The following CNTNAP2 variants were observed in gnomAD, a reference collection of about 807,000 sequenced individuals.
CNTNAP2 encodes the protein contactin-associated protein-like 2.
In CNTNAP2, 98 loss-of-function variants were observed where a neutral mutation model predicts 155.2. The ratio of observed to expected loss-of-function variants is 0.63; its 90% CI spans 0.54 to 0.75. CNTNAP2 has a LOEUF of 0.75. CNTNAP2 is among the 30% of genes least tolerant of loss of function. The probability of loss-of-function intolerance (pLI) is 0.00; values close to 1 mark genes in which losing one functional copy is unlikely to be tolerated. For synonymous variants in CNTNAP2, 651 were observed against 631.2 expected (o/e 1.03, Z -0.47); for missense variants, 1,727 against 1,688.1 (o/e 1.02, Z -0.40).
chr7:146,989,638 G>C (rs780195005), intron 3 of CNTNAP2, among the ~76,000 whole-genome samples: 1 of 152,008 alleles, frequency 6.6e-6, no homozygotes, highest in Non-Finnish European at 1.5e-5. Flanking sequence ...ACCAATCTAG[G>C]TTAGGAGCTT....
intron 18 of CNTNAP2, among the ~76,000 whole-genome samples, chr7:148,176,211 C>CTTTTTTTTTTTTTTTTTTTTTTTT (rs1188113801): frequency 3.2e-5 from 3 of 92,792 alleles, no homozygotes; most frequent in African/African-American, 8.6e-5. Flanking sequence ...CTTTCTTTCT[C>CTTTTTTTTTTTTTTTTTTTTTTTT]TTTTTTTTTT....
At chr7:146,478,529 G>A (rs1413725302) in intron 1 of CNTNAP2, among the ~76,000 whole-genome samples, 1 of 151,722 alleles carries the variant, frequency 6.6e-6, no homozygotes, top group African/African-American at 2.4e-5. Context: ...GGAAAGATAG[G>A]TTAATTTGAC....
At chr7:147,901,599 G>A (rs965365268) in intron 13 of CNTNAP2, among the ~76,000 whole-genome samples, 1 of 151,958 alleles carries the variant, frequency 6.6e-6, no homozygotes, top group Non-Finnish European at 1.5e-5. Flanking sequence ...TTTACATTCT[G>A]CTCCATTTGC....
intron 13 of CNTNAP2, among the ~76,000 whole-genome samples, chr7:147,847,987 C>G (rs1370200002): frequency 9.2e-5 from 12 of 130,030 alleles, no homozygotes; most frequent in Non-Finnish European, 1.7e-5. Flanking sequence ...GGGAGAACCA[C>G]TGCTCTCTTC....
intron 12 of CNTNAP2, among the ~76,000 whole-genome samples, chr7:147,610,293 A>G (rs1196482636): frequency 7.9e-6 from 1 of 126,944 alleles, no homozygotes; most frequent in East Asian, 2.2e-4. Flanking sequence ...TGTAGTTTTC[A>G]AGTGGTTTTT....
intron 1 of CNTNAP2, among the ~76,000 whole-genome samples, chr7:146,165,745 A>T (rs1007913932): frequency 3.3e-5 from 5 of 152,230 alleles, no homozygotes; most frequent in African/African-American, 1.2e-4. Context: ...TATGTGAGAT[A>T]GATACAGCAT....
At chr7:147,587,626 A>G (rs557340424) in intron 12 of CNTNAP2, among the ~76,000 whole-genome samples, 2 of 152,282 alleles carry the variant, frequency 1.3e-5, no homozygotes, top group East Asian at 3.9e-4. Flanking sequence ...CATTTATCCA[A>G]AAGCAACAGC....
intron 20 of CNTNAP2, among the ~76,000 whole-genome samples, chr7:148,245,769 G>C (rs1172442935): frequency 6.6e-6 from 1 of 152,084 alleles, no homozygotes; most frequent in African/African-American, 2.4e-5. Context: ...TTGTGTTAGA[G>C]CCTTAATGCA....
intron 1 of CNTNAP2, among the ~76,000 whole-genome samples, chr7:146,367,229 C>A (rs1338994305): frequency 6.6e-6 from 1 of 152,074 alleles, no homozygotes. Context: ...TTATACACAT[C>A]GCCTAATTTA....
chr7:148,118,095 AT>A (rs756290919), intron 15 of CNTNAP2, 22 bp from the exon 16 acceptor site: 1 of 1,613,524 alleles, frequency 6.2e-7, no homozygotes. Context: ...AGTTAACCTG[AT>A]TTTTTTGTTT....
At chr7:147,524,089 C>T (rs998423682) in intron 11 of CNTNAP2, among the ~76,000 whole-genome samples, 4 of 152,214 alleles carry the variant, frequency 2.6e-5, no homozygotes, top group Non-Finnish European at 5.9e-5. Flanking sequence ...TCGGGTCAGA[C>T]TCTCACACAA....
At chr7:148,086,461 A>C (rs1803731001) in intron 15 of CNTNAP2, among the ~76,000 whole-genome samples, 1 of 152,224 alleles carries the variant, frequency 6.6e-6, no homozygotes, top group Non-Finnish European at 1.5e-5. Flanking sequence ...TGAAATAAAA[A>C]TTTTGATGTA....
intron 1 of CNTNAP2, among the ~76,000 whole-genome samples, chr7:146,579,474 C>G (rs1798577158): frequency 6.6e-6 from 1 of 151,980 alleles, no homozygotes; most frequent in Non-Finnish European, 1.5e-5. Context: ...AAATGCCAGC[C>G]CACTGAGAAG....
intron 21 of CNTNAP2, among the ~76,000 whole-genome samples, chr7:148,277,367 G>A (rs1156440578): frequency 6.6e-6 from 1 of 152,108 alleles, no homozygotes; most frequent in Non-Finnish European, 1.5e-5. Flanking sequence ...TACTTGCTGT[G>A]CCCTCAATCT....
chr7:146,617,687 T>G (rs1002169858), intron 1 of CNTNAP2, among the ~76,000 whole-genome samples: 11 of 152,170 alleles, frequency 7.2e-5, no homozygotes, highest in African/African-American at 2.7e-4. Flanking sequence ...ACTGAAACTG[T>G]GGGCTGAATT....
At chr7:146,789,031 T>G (rs1364916550) in intron 2 of CNTNAP2, among the ~76,000 whole-genome samples, 1 of 152,120 alleles carries the variant, frequency 6.6e-6, no homozygotes, top group African/African-American at 2.4e-5. Context: ...AATGTAGAAA[T>G]AAATGCTTGT....
chr7:147,175,099 T>C (rs374492591), intron 8 of CNTNAP2, among the ~76,000 whole-genome samples: 2 of 152,168 alleles, frequency 1.3e-5, no homozygotes, highest in South Asian at 2.1e-4. Flanking sequence ...GGAGGGCATG[T>C]AGGGAAAGGT....
chr7:147,156,611 T>C (rs775993026), intron 8 of CNTNAP2, among the ~76,000 whole-genome samples: 5 of 152,270 alleles, frequency 3.3e-5, no homozygotes, highest in Non-Finnish European at 7.4e-5. Flanking sequence ...CATCTGAGTC[T>C]TAAAAGAATT....
intron 1 of CNTNAP2, among the ~76,000 whole-genome samples, chr7:146,700,646 T>C (rs1384682662): frequency 6.6e-6 from 1 of 152,122 alleles, no homozygotes; most frequent in Non-Finnish European, 1.5e-5. Context: ...ATCAAAAATA[T>C]TTGCATCTTT....
Sources: allele counts gnomAD v4.1 joint callset (sites outside exome capture counted in the v4.1 genomes callset), GRCh38; gene constraint gnomAD v4.1.1; transcripts MANE v1.5; gene names NCBI Gene and HGNC (gene_info 2026-07-23, HGNC 2026-07-21).